Variants in NSUN7 observed in about 807,000 individuals in gnomAD.
NSUN7 encodes the protein NOP2/Sun RNA methyltransferase family member 7.
NSUN7 carries 39 observed loss-of-function variants against 58.5 expected under a neutral mutation model. That is an observed-to-expected ratio of 0.67 (90% CI 0.52 to 0.87). The LOEUF (loss-of-function observed/expected upper bound fraction) is 0.87. Ranked by LOEUF, NSUN7 falls within the 40% of genes least tolerant of loss-of-function variation. The probability of loss-of-function intolerance (pLI) is 0.00; values close to 1 mark genes in which losing one functional copy is unlikely to be tolerated. For synonymous variants in NSUN7, 278 were observed against 303.7 expected, an observed-to-expected ratio of 0.92 and a Z score of 0.88; for missense variants, 765 against 844.1, an observed-to-expected ratio of 0.91 and a Z score of 1.16.
At chr4:40,757,588 C>T (rs538034143) in intron 2 of NSUN7, among the ~76,000 whole-genome samples, 5 of 141,452 alleles carry the variant, frequency 3.5e-5, no homozygotes, top group African/African-American at 5.4e-5. Flanking sequence ...TATATATATA[C>T]ACATTGTGTG....
intron 4 of NSUN7, among the ~76,000 whole-genome samples, chr4:40,767,523 T>C (rs1352543422): frequency 1.3e-5 from 2 of 152,172 alleles, no homozygotes; most frequent in South Asian, 4.1e-4. Flanking sequence ...AATTTTGGAA[T>C]AGGTGTGGTG....
At chr4:40,790,473 C>G (rs1186693469) in intron 7 of NSUN7, 129 bp from the exon 8 acceptor site, 2 of 591,822 alleles carry the variant, frequency 3.4e-6, no homozygotes, top group Non-Finnish European at 5.7e-6. Context: ...GCCTTCTTTT[C>G]TAACTACATC....
chr4:40,762,401 A>G (rs1741502633), intron 4 of NSUN7, among the ~76,000 whole-genome samples: 1 of 152,202 alleles, frequency 6.6e-6, no homozygotes, highest in African/African-American at 2.4e-5. Context: ...AACAATTGTC[A>G]CTGTGATGTC....
At chr4:40,765,986 G>T (rs908754501) in intron 4 of NSUN7, among the ~76,000 whole-genome samples, 23 of 152,192 alleles carry the variant, frequency 1.5e-4, no homozygotes, top group Non-Finnish European at 2.4e-4. Flanking sequence ...TTTGGGCTGA[G>T]ACAATGGGGT....
At chr4:40,760,545 A>G (rs918409606) in intron 3 of NSUN7, 53 bp downstream of exon 3, 1 of 1,366,010 alleles carries the variant, frequency 7.3e-7, no homozygotes, top group Non-Finnish European at 1.0e-6. Flanking sequence ...TTTAAAAAAG[A>G]AAGTGTTTAA....
chr4:40,799,034 C>T (rs1465123404), intron 10 of NSUN7, 130 bp downstream of exon 10: 9 of 213,988 alleles, frequency 4.2e-5, no homozygotes, highest in East Asian at 1.9e-4. Flanking sequence ...AATTGCCTGA[C>T]TTCTTACAAA....
chr4:40,773,676 C>A (rs1450690316), intron 4 of NSUN7, among the ~76,000 whole-genome samples: 1 of 145,392 alleles, frequency 6.9e-6, no homozygotes, highest in Non-Finnish European at 1.5e-5. Flanking sequence ...GACGGAGACT[C>A]TATCTCAAAA....
At chr4:40,803,151 G>A (rs1577587420) in intron 10 of NSUN7, among the ~76,000 whole-genome samples, 1 of 151,902 alleles carries the variant, frequency 6.6e-6, no homozygotes, top group Admixed American at 6.6e-5. Context: ...ATTCCATGGT[G>A]TATATGTGCC....
In NSUN7 at chr4:40,760,457, T is replaced by C; in HGVS notation, c.322T>C (p.Leu108=). Residue 108 remains leucine, a synonymous_variant, in exon 3 of 12, where the codon TTG becomes CTG. Transcript: ENST00000381782. ...AGATCAAGATATTTTGGAAACTATA[T>C]TGATAGACAGCTGTATCTTCCCAAG... is the stretch of plus-strand genomic sequence containing the variant. ...LKYQDILETI[L]IDSCIFPSTT... is the part of the protein sequence containing the mutation. 6.2e-7 allele frequency: 1 copy of C among 1,610,570 alleles called. No homozygotes were observed. Among genetic ancestry groups the C allele is most frequent in the Non-Finnish European group, 8.5e-7 (1 of 1,177,970 alleles).
intron 7 of NSUN7, among the ~76,000 whole-genome samples, chr4:40,779,056 A>G (rs972463043): frequency 1.3e-5 from 2 of 152,216 alleles, no homozygotes; most frequent in Admixed American, 6.5e-5. Flanking sequence ...GGCTGGGCAC[A>G]GTGGCTCATG....
intron 4 of NSUN7, among the ~76,000 whole-genome samples, chr4:40,766,215 G>C (rs975560657): frequency 9.9e-5 from 15 of 151,792 alleles, no homozygotes; most frequent in Non-Finnish European, 1.5e-4. Flanking sequence ...ATTGGCTGTG[G>C]GTTTGTCATA....
rs1222115801 is a variant in NSUN7 at position 40,807,189 on chromosome 4, G to A, written c.1524+5G>A. The A allele has an allele frequency of 4.6e-6, 7 of 1,531,270 alleles. No homozygotes were observed. The highest frequency in any genetic ancestry group is 4.4e-5 in the Admixed American group (2 of 45,146). The allele number at this position is 1,531,270 out of a possible 1,614,324, so 94.9% of individuals were successfully genotyped here. A position where few individuals can be genotyped will look rare whatever the true frequency, so the allele number is the denominator to read the frequency against. On this transcript the variant is annotated splice_donor_5th_base_variant and intron_variant, in intron 11 of 11. Coordinates refer to ENST00000381782, the MANE Select transcript of NSUN7 (RefSeq NM_024677.6). Reference sequence around the variant, plus strand: ...CTTTCTATTTTAACAAGGGAGGTAAGGAAAAAAAATCCTAATCCATGTCAT... The same window carrying A: ...CTTTCTATTTTAACAAGGGAGGTAAAGAAAAAAAATCCTAATCCATGTCAT...
Position 40,809,017 on chromosome 4 carries a change from T to C in NSUN7, c.*78T>C. 1 of 1,350,208 alleles carries C rather than the reference T, an allele frequency of 7.4e-7. No homozygotes were observed. Among genetic ancestry groups the C allele is most frequent in the Non-Finnish European group, 9.8e-7 (1 of 1,019,528 alleles). 83.6% of individuals were successfully genotyped at this position (1,350,208 alleles called of 1,614,324 possible). On this transcript the variant is annotated 3_prime_UTR_variant, in exon 12 of 12. Transcript: ENST00000381782. ...CTAGTATTTCTCTGAAGATTCTACA[T>C]CTCTACACAAGATATTCATTCTTTT...
At chr4:40,806,669 T>C (rs1743818204) in intron 10 of NSUN7, among the ~76,000 whole-genome samples, 1 of 152,158 alleles carries the variant, frequency 6.6e-6, no homozygotes. Flanking sequence ...GTTTTCTCCT[T>C]TGTATTTTGA....
At chr4:40,776,678 T>C (rs1742287046) in intron 7 of NSUN7, among the ~76,000 whole-genome samples, 1 of 152,044 alleles carries the variant, frequency 6.6e-6, no homozygotes, top group African/African-American at 2.4e-5. Flanking sequence ...TGTACTGATA[T>C]GATCACAGTT....
intron 10 of NSUN7, among the ~76,000 whole-genome samples, chr4:40,800,238 G>A (rs1418302791): frequency 6.6e-6 from 1 of 152,148 alleles, no homozygotes; most frequent in East Asian, 1.9e-4. Context: ...TACTGAGGTT[G>A]AGTATGCTTC....
Position 40,750,767 on chromosome 4 carries a change from T to G in NSUN7, c.74T>G (p.Leu25Arg). 2 of 1,614,168 alleles carry G rather than the reference T, an allele frequency of 1.2e-6. No individual in the cohort carries two copies. The highest frequency in any genetic ancestry group is 1.7e-6 in the Non-Finnish European group (2 of 1,180,032). The change falls in exon 2 of 12, where the codon CTG (leucine) becomes CGG (arginine). Residue 25 changes from leucine (L) to arginine (R), a missense_variant. By Grantham distance (102) the Leu-to-Arg change is moderately radical. Transcript: ENST00000381782. The part of the protein sequence containing the change: ...DPEIISQLTS[L>R]PLSGGKSSAG... The stretch of plus-strand genomic sequence containing the variant: ...GAGATCATCTCCCAACTCACTTCCC[T>G]GCCTCTGTCCGGTGGGAAAAGCTCA...
At chr4:40,782,004 TAG>T (rs1560556402) in intron 7 of NSUN7, among the ~76,000 whole-genome samples, 1 of 152,070 alleles carries the variant, frequency 6.6e-6, no homozygotes, top group Non-Finnish European at 1.5e-5. Context: ...CTAAAATATA[TAG>T]AGAGTAAAAT....
chr4:40,772,712 T>C (rs1742070551), intron 4 of NSUN7, among the ~76,000 whole-genome samples: 1 of 152,166 alleles, frequency 6.6e-6, no homozygotes, highest in Non-Finnish European at 1.5e-5. Flanking sequence ...GAGATGCTCA[T>C]TTACTACCCC....
Sources: gnomAD v4.1 joint callset for allele counts (sites outside exome capture counted in the v4.1 genomes callset) on GRCh38, gnomAD v4.1.1 for gene constraint, MANE v1.5 for transcripts, NCBI Gene and HGNC (gene_info 2026-07-23, HGNC 2026-07-21) for gene names.